TRPM3: variants seen among roughly 807,000 people sequenced by gnomAD.
TRPM3 encodes the protein transient receptor potential cation channel subfamily M member 3.
Under a neutral mutation model 181.2 loss-of-function variants are expected in TRPM3, and 77 were observed. That is an observed-to-expected ratio of 0.42 (90% CI 0.35 to 0.51). The LOEUF is 0.51. Ranked by LOEUF, TRPM3 falls within the 20% of genes least tolerant of loss-of-function variation. TRPM3 has a pLI of 0.01. For missense variants in TRPM3, 1,759 were observed against 2,196.7 expected (o/e 0.80, Z 3.98); for synonymous variants, 745 against 796.4 (o/e 0.94, Z 1.09).
chr9:70,905,798 G>A (rs1374980082), intron 1 of TRPM3, among the ~76,000 whole-genome samples: 6 of 151,778 alleles, frequency 4.0e-5, no homozygotes, highest in Non-Finnish European at 5.9e-5. Flanking sequence ...GCTGGAGTGC[G>A]GTGGTGCAAT....
Position 71,214,008 on chromosome 9 carries a change from G to A in TRPM3, c.183+232645C>T. ...CTTTTCTTTAAATGCTTTGTTTTCT[G>A]CCTCCATGTATCAAAGCAAAGTCAT... On this transcript the variant is annotated intron_variant, in intron 1 of 24. Transcript: ENST00000357533. Among the ~76,000 whole-genome samples, 2 of 152,014 alleles carry A rather than the reference G, an allele frequency of 1.3e-5. 1 individual carries two copies. The highest frequency in any genetic ancestry group is 3.8e-4 in the East Asian group (2 of 5,204).
At chr9:71,020,605 G>C (rs955800751) in intron 1 of TRPM3, among the ~76,000 whole-genome samples, 2 of 151,980 alleles carry the variant, frequency 1.3e-5, no homozygotes, top group Non-Finnish European at 2.9e-5. Flanking sequence ...CAAAGAACTA[G>C]CTGGAAAACA....
Position 71,117,053 on chromosome 9 carries a change from T to C in TRPM3, c.177+4125A>G, listed in dbSNP as rs534930977. On this transcript the variant is annotated intron_variant, in intron 1 of 25. Coordinates refer to ENST00000677713, the MANE Select transcript of TRPM3 (RefSeq NM_001366145.2). ...CCACCAGCCAACCCTACAGCAAAGATAGAAACTCAGAAGTTATCCTAGATT... is the reference window on the plus strand; with the variant it reads ...CCACCAGCCAACCCTACAGCAAAGACAGAAACTCAGAAGTTATCCTAGATT... Among the ~76,000 whole-genome samples, 122 of 152,296 alleles carry C rather than the reference T, an allele frequency of 8.0e-4. 3 individuals carry two copies. In the South Asian group the frequency reaches 0.023, roughly 29 times the overall value.
intron 1 of TRPM3, among the ~76,000 whole-genome samples, chr9:71,118,646 G>T (rs2072951406): frequency 1.3e-5 from 2 of 152,130 alleles, no homozygotes; most frequent in Non-Finnish European, 2.9e-5. Flanking sequence ...AGAGAGGGCA[G>T]GTCATATTAG....
At chr9:71,085,371 A>C (rs2065097567) in intron 1 of TRPM3, among the ~76,000 whole-genome samples, 1 of 152,116 alleles carries the variant, frequency 6.6e-6, no homozygotes, top group African/African-American at 2.4e-5. Context: ...AAATATTCGC[A>C]AACAGTGCAT....
intron 8 of TRPM3, among the ~76,000 whole-genome samples, chr9:70,742,415 A>C (rs1329677417): frequency 6.6e-6 from 1 of 152,106 alleles, no homozygotes; most frequent in African/African-American, 2.4e-5. Context: ...ATCACATCAA[A>C]TATTTATCAT....
chr9:71,036,707 A>G (rs908956977), intron 1 of TRPM3, among the ~76,000 whole-genome samples: 3 of 152,248 alleles, frequency 2.0e-5, no homozygotes, highest in African/African-American at 7.2e-5. Flanking sequence ...CCAAGTTTGC[A>G]TTAGTCTGAA....
At chr9:70,968,505 G>T (rs2097207518) in intron 1 of TRPM3, among the ~76,000 whole-genome samples, 1 of 152,090 alleles carries the variant, frequency 6.6e-6, no homozygotes, top group African/African-American at 2.4e-5. Flanking sequence ...CTCTTATGCT[G>T]GGATTCAGTT....
rs201241876 is a variant in TRPM3 at position 71,059,011 on chromosome 9, A to T, written c.177+62167T>A. Among the ~76,000 whole-genome samples, 170 of 52,616 alleles carry T rather than the reference A, an allele frequency of 3.2e-3. 2 individuals are homozygous for T. The highest frequency in any genetic ancestry group is 0.029 in the Middle Eastern group (1 of 34). 34.5% of individuals were successfully genotyped at this position (52,616 alleles called of 152,430 possible). A position where few individuals can be genotyped will look rare whatever the true frequency, so the allele number is the denominator to read the frequency against. Reference sequence around the variant, plus strand: ...ATTTCTCTGAAGTTTTTGTTTGTTCATTTTTTTTTTTTTTTTTTTTTTTTT... The same window carrying T: ...ATTTCTCTGAAGTTTTTGTTTGTTCTTTTTTTTTTTTTTTTTTTTTTTTTT... On this transcript the variant is annotated intron_variant, in intron 1 of 25. Transcript: ENST00000677713.
intron 14 of TRPM3, among the ~76,000 whole-genome samples, chr9:70,624,077 C>T (rs2064082598): frequency 6.6e-6 from 1 of 152,082 alleles, no homozygotes; most frequent in Admixed American, 6.5e-5. Context: ...TATGTACTCC[C>T]CCCACCTCCA....
At chr9:71,080,203 T>TAAATAAATAAATAAATAAATAAAATA (rs1483714998) in intron 1 of TRPM3, among the ~76,000 whole-genome samples, 12 of 150,046 alleles carry the variant, frequency 8.0e-5, no homozygotes, top group African/African-American at 2.9e-4. Flanking sequence ...AATAAATAAA[T>TAAATAAATAAATAAATAAATAAAATA]AAATAAAATA....
intron 1 of TRPM3, among the ~76,000 whole-genome samples, chr9:71,180,543 C>A (rs1402624440): frequency 6.6e-6 from 1 of 152,034 alleles, no homozygotes; most frequent in Non-Finnish European, 1.5e-5. Flanking sequence ...AAAACAAACA[C>A]CCCAAGGTTG....
At chr9:71,004,715 G>T (rs1590523631) in intron 1 of TRPM3, among the ~76,000 whole-genome samples, 1 of 152,276 alleles carries the variant, frequency 6.6e-6, no homozygotes, top group East Asian at 1.9e-4. Context: ...ACAAGAAAAT[G>T]TGGATAGATA....
chr9:70,832,005 T>A (rs1179170245), intron 5 of TRPM3, among the ~76,000 whole-genome samples: 1 of 79,090 alleles, frequency 1.3e-5, no homozygotes, highest in East Asian at 2.6e-4. Flanking sequence ...ATACCTACTA[T>A]GTACCCACAC....
At chr9:71,413,809 CT>C (rs1258915705) in intron 1 of TRPM3, among the ~76,000 whole-genome samples, 1 of 151,624 alleles carries the variant, frequency 6.6e-6, no homozygotes, top group Non-Finnish European at 1.5e-5. Context: ...CTGCCAGATG[CT>C]TTAATATTGG....
At chr9:70,598,341 A>G (rs1767069018) in intron 21 of TRPM3, 78 bp downstream of exon 21, 4 of 1,551,202 alleles carry the variant, frequency 2.6e-6, no homozygotes, top group Non-Finnish European at 3.5e-6. Context: ...GCAGGCCCAA[A>G]TGAATTATTT....
intron 1 of TRPM3, among the ~76,000 whole-genome samples, chr9:71,300,619 G>A (rs1394309): frequency 0.87 from 132,575 of 152,068 alleles, 58,983 homozygotes; most frequent in East Asian, 1. Context: ...TGGTTTAACT[G>A]TAATTCTAAG....
chr9:70,862,918 T>A lies in TRPM3; in HGVS notation c.452A>T (p.Asn151Ile). ...TIEFQGGGHSNKAMYVRVSFD... is the reference protein window; with the variant it reads ...TIEFQGGGHSIKAMYVRVSFD... ...TGGCTTTCTGATTACCATGGCTTTGTTGGAATGGCCACCTCCTTGGAACTC... is the reference window on the plus strand; with the variant it reads ...TGGCTTTCTGATTACCATGGCTTTGATGGAATGGCCACCTCCTTGGAACTC... Residue 151 changes from asparagine (N) to isoleucine (I), a missense_variant, in exon 3 of 26, where the codon AAC (asparagine) becomes ATC (isoleucine). Transcript: ENST00000677713. 1 of 1,613,440 alleles carries A rather than the reference T, an allele frequency of 6.2e-7. No homozygotes were observed. Among genetic ancestry groups the A allele is most frequent in the Non-Finnish European group, 8.5e-7 (1 of 1,179,564 alleles).
At chr9:70,874,539 G>A (rs1041155876) in intron 1 of TRPM3, among the ~76,000 whole-genome samples, 2 of 151,958 alleles carry the variant, frequency 1.3e-5, no homozygotes, top group Non-Finnish European at 2.9e-5. Context: ...TTCGTTTTCT[G>A]TCAAGTAAAT....
Sources: gnomAD v4.1 joint callset for allele counts (sites outside exome capture counted in the v4.1 genomes callset) on GRCh38, gnomAD v4.1.1 for gene constraint, MANE v1.5 for transcripts, NCBI Gene and HGNC (gene_info 2026-07-23, HGNC 2026-07-21) for gene names.